RSPH4A: variants seen among roughly 807,000 people sequenced by gnomAD.
The protein encoded by RSPH4A is radial spoke head component 4A.
A neutral mutation model predicts 71.0 loss-of-function variants in RSPH4A; 47 were observed. That is an observed-to-expected ratio of 0.66 (90% CI 0.52 to 0.84). RSPH4A has a LOEUF of 0.84. Ranked by LOEUF, RSPH4A falls within the 40% of genes least tolerant of loss-of-function variation. The probability of loss-of-function intolerance (pLI) is 0.00; values close to 1 mark genes in which losing one functional copy is unlikely to be tolerated. For synonymous variants in RSPH4A, 282 were observed against 302.3 expected (o/e 0.93, Z 0.70); for missense variants, 793 against 855.2 (o/e 0.93, Z 0.91).
rs201717652 is a variant in RSPH4A, at chr6:116,616,683, A to C, written c.60A>C (p.Thr20=). 1 of 1,614,186 alleles carries C rather than the reference A, an allele frequency of 6.2e-7. No individual in the cohort carries two copies. Among genetic ancestry groups the C allele is most frequent in the Non-Finnish European group, 8.5e-7 (1 of 1,180,026 alleles). Residue 20 remains threonine, a synonymous_variant, in exon 1 of 6, where the codon ACA becomes ACC. Coordinates refer to ENST00000229554, the MANE Select transcript of RSPH4A (RefSeq NM_001010892.3). ...EKENQEELGE[T]RRPWEGKTAA... ...AAAACCAAGAAGAACTAGGGGAAAC[A>C]AGGCGGCCATGGGAAGGAAAGACAG...
chr6:116,617,512 C>G (rs199661089), intron 1 of RSPH4A, among the ~76,000 whole-genome samples: 1 of 141,862 alleles, frequency 7.0e-6, no homozygotes, highest in Non-Finnish European at 1.5e-5. Flanking sequence ...TTTTCTTAAC[C>G]TTTTTTTTTT....
rs1262500014 is a variant in RSPH4A at position 116,628,224 on chromosome 6, G to A, written c.1517G>A (p.Gly506Asp). The change falls in exon 3 of 6, where the codon GGT becomes GAT. Residue 506 changes from glycine to aspartate, a missense_variant. By Grantham distance (94) the Gly-to-Asp change is moderately conservative (BLOSUM62 -1). Coordinates refer to ENST00000229554, the MANE Select transcript of RSPH4A (RefSeq NM_001010892.3). Reference protein sequence around the residue: ...HVSPLGFYQFGEEEGEEEEEA... With the variant: ...HVSPLGFYQFDEEEGEEEEEA... ...AGTCCTCTAGGATTTTATCAGTTTG[G>A]TGAAGAGGAAGGAGAGGAGGAGGAA... 6.2e-7 allele frequency: 1 copy of A among 1,613,392 alleles called. No homozygotes were observed. Among genetic ancestry groups the A allele is most frequent in the Admixed American group, 1.7e-5 (1 of 59,968 alleles).
At chr6:116,631,310 A>G (rs983026041) in intron 5 of RSPH4A, among the ~76,000 whole-genome samples, 5 of 152,200 alleles carry the variant, frequency 3.3e-5, no homozygotes, top group Non-Finnish European at 7.3e-5. Flanking sequence ...CAAGCTAAAA[A>G]TGAGAGTTAA....
intron 5 of RSPH4A, among the ~76,000 whole-genome samples, chr6:116,630,758 C>T (rs1456684633): frequency 7.0e-6 from 1 of 143,856 alleles, no homozygotes; most frequent in African/African-American, 2.6e-5. Flanking sequence ...CTGCAACCTC[C>T]GCCTCCTGGG....
At position 116,632,897 on chromosome 6, in the gene RSPH4A, C is replaced by CA; in HGVS notation, c.*462dup. On this transcript the variant is annotated 3_prime_UTR_variant, in exon 6 of 6. Coordinates refer to ENST00000229554, the MANE Select transcript of RSPH4A (RefSeq NM_001010892.3). ...TAAAGAGTGTCAAGGGGTATGAAGA[C>CA]AAAAAATATTGATAGTCACTAGAGT... 5.4e-6 allele frequency: 1 copy of CA among 186,660 alleles called. No homozygotes were observed. The highest frequency in any genetic ancestry group is 1.1e-4 in the South Asian group (1 of 9,504). The allele number at this position is 186,660 out of a possible 1,614,324, so 11.6% of individuals were successfully genotyped here. A position where few individuals can be genotyped will look rare whatever the true frequency, so the allele number is the denominator to read the frequency against.
intron 2 of RSPH4A, among the ~76,000 whole-genome samples, chr6:116,626,363 C>CT (rs1283791724): frequency 4.0e-5 from 6 of 151,038 alleles, no homozygotes; most frequent in Non-Finnish European, 7.4e-5. Flanking sequence ...TTTTCTTTTT[C>CT]TTTTTTTTGA....
rs117476251 is a variant in RSPH4A, at chr6:116,630,327, C to G, written c.1799-108C>G. ...CTTTCTGTATCAAGTATGTGTGTAT[C>G]TGTGTGTGTGCATGCATGTGTGTGT... On this transcript the variant is annotated intron_variant, in intron 4 of 5. Transcript: ENST00000229554. 8.0e-3 allele frequency: 6,119 copies of G among 765,338 alleles called. 62 individuals are homozygous for G. The highest frequency in any genetic ancestry group is 0.015 in the South Asian group (1,115 of 73,224). The allele number at this position is 765,338 out of a possible 1,614,324, so 47.4% of individuals were successfully genotyped here.
intron 2 of RSPH4A, among the ~76,000 whole-genome samples, chr6:116,623,364 G>C (rs1162385762): frequency 3.9e-5 from 6 of 152,110 alleles, no homozygotes; most frequent in African/African-American, 1.4e-4. Context: ...GGGATTACAG[G>C]CGTGAGCTAC....
chr6:116,625,602 G>A (rs1433679825), intron 2 of RSPH4A, among the ~76,000 whole-genome samples: 2 of 152,188 alleles, frequency 1.3e-5, no homozygotes, highest in Admixed American at 6.5e-5. Flanking sequence ...GAAGCCTTCT[G>A]CTATAGCACA....
At chr6:116,623,058 T>G in intron 2 of RSPH4A, 56 bp downstream of exon 2, 1 of 1,066,160 alleles carries the variant, frequency 9.4e-7, no homozygotes, top group East Asian at 2.4e-5. Flanking sequence ...TTGGGACGAA[T>G]GGCTGTGGCT....
At chr6:116,618,582 C>G (rs1044081259) in intron 1 of RSPH4A, among the ~76,000 whole-genome samples, 17 of 152,220 alleles carry the variant, frequency 1.1e-4, no homozygotes, top group Non-Finnish European at 1.5e-5. Context: ...GGTGCCATCT[C>G]AGCTCACTGC....
chr6:116,619,979 A>G (rs905946904), intron 1 of RSPH4A, among the ~76,000 whole-genome samples: 2 of 152,228 alleles, frequency 1.3e-5, no homozygotes, highest in Non-Finnish European at 2.9e-5. Flanking sequence ...TCGGCCTCCC[A>G]AAGTGTTGGG....
At chr6:116,625,447 A>G (rs1235028552) in intron 2 of RSPH4A, among the ~76,000 whole-genome samples, 3 of 152,242 alleles carry the variant, frequency 2.0e-5, no homozygotes, top group Non-Finnish European at 4.4e-5. Context: ...TTGTGCATTG[A>G]TAAGTAACTT....
intron 2 of RSPH4A, among the ~76,000 whole-genome samples, chr6:116,625,088 G>A (rs892476282): frequency 1.6e-5 from 2 of 121,784 alleles, no homozygotes; most frequent in Admixed American, 1.6e-4. Flanking sequence ...TAATCAAGTG[G>A]CTAAACCCTG....
At position 116,616,647 on chromosome 6, in the gene RSPH4A, G is replaced by C; in HGVS notation, c.24G>C (p.Lys8Asn). Reference sequence around the variant, plus strand: ...CCATGGAGGACTCAACCTCCCCGAAGCAAGAAAAAGAAAACCAAGAAGAAC... The same window carrying C: ...CCATGGAGGACTCAACCTCCCCGAACCAAGAAAAAGAAAACCAAGAAGAAC... MEDSTSPKQEKENQEELG... is the reference protein window; with the variant it reads MEDSTSPNQEKENQEELG... The change falls in exon 1 of 6, where the codon AAG (lysine) becomes AAC (asparagine). Residue 8 changes from lysine (K) to asparagine (N), a missense_variant. Transcript: ENST00000229554. The C allele has an allele frequency of 6.2e-7, 1 of 1,613,734 alleles. No homozygotes were observed.
Position 116,628,161 on chromosome 6 carries a change from G to A in RSPH4A, c.1454G>A (p.Arg485Gln), listed in dbSNP as rs1296082790. ...CCAGGAAATGAGAGTAATTATTTAC[G>A]AGCACAAATTGCCCGAATTTCAGCA... Reference protein sequence around the residue: ...PFPGNESNYLRAQIARISAGT... With the variant: ...PFPGNESNYLQAQIARISAGT... The change falls in exon 3 of 6, where the codon CGA (arginine) becomes CAA (glutamine). Residue 485 changes from arginine to glutamine, a missense_variant. Arg to Gln is a conservative substitution (Grantham distance 43, BLOSUM62 1). Transcript: ENST00000229554. 5.0e-6 allele frequency: 8 copies of A among 1,614,052 alleles called. No individual in the cohort carries two copies. Among genetic ancestry groups the A allele is most frequent in the East Asian group, 2.2e-5 (1 of 44,886 alleles).
At chr6:116,617,397 A>C (rs1229421978) in intron 1 of RSPH4A, 88 bp downstream of exon 1, 1 of 902,080 alleles carries the variant, frequency 1.1e-6, no homozygotes, top group Non-Finnish European at 1.7e-6. Flanking sequence ...TCTGTGGGTG[A>C]ATCAAAATAT....
Position 116,631,882 on chromosome 6 carries a change from T to C in RSPH4A, c.1917-325T>C, listed in dbSNP as rs185728448. Among the ~76,000 whole-genome samples the C allele has an allele frequency of 6.8e-4, 103 of 152,300 alleles. 2 individuals carry two copies. In the Middle Eastern group the frequency reaches 0.01, roughly 15 times the overall value. ...AGCTATTTTTATATCTTTCTAACTT[T>C]GTGGAAGGTAGTAACTTTTTTTTTT... On this transcript the variant is annotated intron_variant, in intron 5 of 5. Coordinates refer to ENST00000229554, the MANE Select transcript of RSPH4A (RefSeq NM_001010892.3).
chr6:116,632,361 G>C lies in RSPH4A; in HGVS notation c.2071G>C (p.Ala691Pro). Reference sequence around the variant, plus strand: ...TGTGGAGGAGGAGCAGGCTTTCAGGGCTGCACAAGAAGCAGTTCTACTCGC... The same window carrying C: ...TGTGGAGGAGGAGCAGGCTTTCAGGCCTGCACAAGAAGCAGTTCTACTCGC... ...PSVEEEQAFR[A>P]AQEAVLLAAE... Residue 691 changes from alanine to proline, a missense_variant, in exon 6 of 6, where the codon GCT (alanine) becomes CCT (proline). Ala to Pro is a conservative substitution (Grantham distance 27, BLOSUM62 -1). Transcript: ENST00000229554. 6.2e-7 allele frequency: 1 copy of C among 1,614,002 alleles called. No individual in the cohort carries two copies. Among genetic ancestry groups the C allele is most frequent in the Non-Finnish European group, 8.5e-7 (1 of 1,179,986 alleles).
Sources: allele counts gnomAD v4.1 joint callset (sites outside exome capture counted in the v4.1 genomes callset), GRCh38; gene constraint gnomAD v4.1.1; transcripts MANE v1.5; gene names NCBI Gene and HGNC (gene_info 2026-07-23, HGNC 2026-07-21).